MSI2: variants seen among roughly 807,000 people sequenced by gnomAD.
The protein encoded by MSI2 is RNA-binding protein Musashi homolog 2.
MSI2 carries 17 observed loss-of-function variants against 45.6 expected under a neutral mutation model. The observed-to-expected ratio is 0.37, with a 90% CI of 0.26 to 0.56. The LOEUF is 0.56. Among genes scored for constraint, MSI2 ranks in the 20% least tolerant of loss-of-function variants. The pLI, the probability that MSI2 is intolerant of heterozygous loss-of-function variation, is 0.77. For missense variants in MSI2, 293 were observed against 444.2 expected, an observed-to-expected ratio of 0.66 and a Z score of 3.06; for synonymous variants, 156 against 158.2, an observed-to-expected ratio of 0.99 and a Z score of 0.11.
At position 57,282,274 on chromosome 17, in the gene MSI2, G is replaced by A. The variant is rs117494554; in HGVS notation, c.312+20082G>A. On this transcript the variant is annotated intron_variant, in intron 5 of 13. Transcript: ENST00000284073. Reference sequence around the variant, plus strand: ...GGAAGCAGCTTGGAGGGCCAGTTGCGTATTTTCCAAGGATTCCTGAATATC... The same window carrying A: ...GGAAGCAGCTTGGAGGGCCAGTTGCATATTTTCCAAGGATTCCTGAATATC... Among the ~76,000 whole-genome samples, 755 of 152,226 alleles carry A rather than the reference G, an allele frequency of 5.0e-3. 3 individuals carry two copies. Among genetic ancestry groups the A allele is most frequent in the Middle Eastern group, 0.034 (10 of 294 alleles).
At chr17:57,374,803 G>A (rs1246108488) in intron 5 of MSI2, among the ~76,000 whole-genome samples, 1 of 152,056 alleles carries the variant, frequency 6.6e-6, no homozygotes, top group Non-Finnish European at 1.5e-5. Flanking sequence ...ATAAATAAAT[G>A]CTTATCTTTG....
intron 6 of MSI2, among the ~76,000 whole-genome samples, chr17:57,495,686 C>A (rs2085965984): frequency 6.6e-6 from 1 of 152,096 alleles, no homozygotes; most frequent in Admixed American, 6.6e-5. Flanking sequence ...GGCATTGATT[C>A]CTGGTGGTCC....
intron 6 of MSI2, among the ~76,000 whole-genome samples, chr17:57,452,032 C>T (rs2085029340): frequency 6.6e-6 from 1 of 152,192 alleles, no homozygotes; most frequent in African/African-American, 2.4e-5. Context: ...GTCCTCTTCT[C>T]TTTCTTTAGT....
chr17:57,394,566 C>T lies in MSI2; in HGVS notation c.313-6813C>T, dbSNP rs560796925. Among the ~76,000 whole-genome samples the T allele has an allele frequency of 7.9e-4, 121 of 152,342 alleles. 1 individual carries two copies. Among genetic ancestry groups the T allele is most frequent in the African/African-American group, 2.9e-3 (120 of 41,576 alleles). On this transcript the variant is annotated intron_variant, in intron 5 of 13. Transcript: ENST00000284073. ...TTTATTAGGCAGGAGCCTGCCCTTG[C>T]GTAAACTCTGGCCTTACTTTCATCA...
At chr17:57,694,080 T>G in the MSI2 span, among the ~76,000 whole-genome samples, 2 of 152,234 alleles carry the variant, frequency 1.3e-5, no homozygotes, top group Admixed American at 1.3e-4. Context: ...CTATGGCTGC[T>G]TTCATGCTTC....
chr17:57,267,224 T>C (rs900865628), intron 5 of MSI2: 1 of 152,326 alleles, frequency 6.6e-6, no homozygotes, highest in Admixed American at 6.5e-5. Context: ...CTGCAGCCCT[T>C]TTCCACAGCA....
At chr17:57,580,939 T>C (rs1015546195) in intron 7 of MSI2, among the ~76,000 whole-genome samples, 1 of 149,200 alleles carries the variant, frequency 6.7e-6, no homozygotes, top group African/African-American at 2.5e-5. Flanking sequence ...AACAGACTTG[T>C]GCAGGCATAA....
chr17:57,479,191 A>G (rs2085600505), intron 6 of MSI2, among the ~76,000 whole-genome samples: 1 of 152,272 alleles, frequency 6.6e-6, no homozygotes, highest in Non-Finnish European at 1.5e-5. Flanking sequence ...ACTGACAGCA[A>G]TCAGGATGAA....
chr17:57,451,352 C>T (rs1238058633), intron 6 of MSI2, among the ~76,000 whole-genome samples: 1 of 152,196 alleles, frequency 6.6e-6, no homozygotes, highest in African/African-American at 2.4e-5. Context: ...TCCTGAAATG[C>T]ACAATAGAGA....
intron 5 of MSI2, among the ~76,000 whole-genome samples, chr17:57,309,456 T>C (rs963331458): frequency 7.9e-5 from 12 of 152,174 alleles, no homozygotes; most frequent in Non-Finnish European, 1.5e-4. Context: ...TTTAATCGTC[T>C]GTTGGCCACT....
chr17:57,324,843 A>G (rs1250679785), intron 5 of MSI2, among the ~76,000 whole-genome samples: 1 of 152,134 alleles, frequency 6.6e-6, no homozygotes, highest in Non-Finnish European at 1.5e-5. Context: ...TCTTTGAGCC[A>G]CTGGGGCAGG....
intron 5 of MSI2, among the ~76,000 whole-genome samples, chr17:57,290,041 T>C (rs1191531260): frequency 6.6e-6 from 1 of 152,194 alleles, no homozygotes; most frequent in African/African-American, 2.4e-5. Flanking sequence ...GAGTCTGGCC[T>C]TGGAGAGGCA....
At chr17:57,518,771 G>A (rs534257087) in intron 6 of MSI2, among the ~76,000 whole-genome samples, 2 of 152,198 alleles carry the variant, frequency 1.3e-5, no homozygotes, top group Non-Finnish European at 2.9e-5. Flanking sequence ...GCACATGCAC[G>A]CACGCACTCA....
At chr17:57,558,966 G>A (rs2144233082) in intron 7 of MSI2, among the ~76,000 whole-genome samples, 1 of 152,282 alleles carries the variant, frequency 6.6e-6, no homozygotes, top group Non-Finnish European at 1.5e-5. Context: ...GGAGGCTGAG[G>A]CGGGAGAATC....
At chr17:57,344,501 A>C (rs1021120718) in intron 5 of MSI2, among the ~76,000 whole-genome samples, 1 of 152,078 alleles carries the variant, frequency 6.6e-6, no homozygotes, top group Non-Finnish European at 1.5e-5. Context: ...GGAGTTACTC[A>C]CTTCTCCAAG....
rs11318524 is a variant in MSI2 at position 57,514,650 on chromosome 17, C to CTT, written c.406-15005_406-15004dup. On this transcript the variant is annotated intron_variant, in intron 6 of 13. Coordinates refer to ENST00000284073, the MANE Select transcript of MSI2 (RefSeq NM_138962.4). ...GGTCTTGAAGCAGCTTGAATTGATACTTTTTTTTTTTTTTTTTTTTTTAAG... is the reference window on the plus strand; with the variant it reads ...GGTCTTGAAGCAGCTTGAATTGATACTTTTTTTTTTTTTTTTTTTTTTTTAAG... Among the ~76,000 whole-genome samples, 130 of 135,302 alleles carry CTT rather than the reference C, an allele frequency of 9.6e-4. 1 individual carries two copies. The highest frequency in any genetic ancestry group is 2.8e-3 in the African/African-American group (100 of 35,418). The allele number at this position is 135,302 out of a possible 152,430, so 88.8% of individuals were successfully genotyped here. A position where few individuals can be genotyped will look rare whatever the true frequency, so the allele number is the denominator to read the frequency against.
intron 6 of MSI2, among the ~76,000 whole-genome samples, chr17:57,503,993 C>G (rs143912969): frequency 6.6e-6 from 1 of 152,344 alleles, no homozygotes; most frequent in African/African-American, 2.4e-5. Flanking sequence ...CTCAGCCTCC[C>G]AGAGTGCTGG....
intron 5 of MSI2, among the ~76,000 whole-genome samples, chr17:57,356,615 C>T (rs1365766931): frequency 6.6e-6 from 1 of 152,178 alleles, no homozygotes; most frequent in Non-Finnish European, 1.5e-5. Context: ...TAGCAGAGTG[C>T]ACCATCTCAA....
At chr17:57,287,524 G>A (rs895285387) in intron 5 of MSI2, among the ~76,000 whole-genome samples, 2 of 152,214 alleles carry the variant, frequency 1.3e-5, no homozygotes, top group Non-Finnish European at 2.9e-5. Flanking sequence ...TCCTGGGCTT[G>A]GTTGGCCGCT....
Sources: gnomAD v4.1 joint callset for allele counts (sites outside exome capture counted in the v4.1 genomes callset) on GRCh38, gnomAD v4.1.1 for gene constraint, MANE v1.5 for transcripts, NCBI Gene and HGNC (gene_info 2026-07-23, HGNC 2026-07-21) for gene names.